DLG2: variants seen among roughly 807,000 people sequenced by gnomAD.
DLG2 encodes the protein discs large MAGUK scaffold protein 2, also known as disks large homolog 2.
DLG2 carries 45 observed loss-of-function variants against 132.5 expected under a neutral mutation model. The ratio of observed to expected loss-of-function variants is 0.34; its 90% CI spans 0.27 to 0.44. The LOEUF is 0.44. DLG2 is among the 20% of genes least tolerant of loss of function. DLG2 has a pLI of 1.00. For missense variants in DLG2, 1,045 were observed against 1,196.9 expected, an observed-to-expected ratio of 0.87 and a Z score of 1.87; for synonymous variants, 424 against 419.6, an observed-to-expected ratio of 1.01 and a Z score of -0.13.
chr11:84,728,072 AC>A (rs1364957745), intron 6 of DLG2, among the ~76,000 whole-genome samples: 2 of 152,172 alleles, frequency 1.3e-5, no homozygotes, highest in African/African-American at 2.4e-5. Flanking sequence ...CTATCTGAAT[AC>A]CCTTTATTTC....
At chr11:84,093,329 G>A (rs1439464540) in intron 10 of DLG2, among the ~76,000 whole-genome samples, 3 of 152,100 alleles carry the variant, frequency 2.0e-5, no homozygotes, top group South Asian at 2.1e-4. Context: ...GTCAGCCTGG[G>A]GGCCTCTGTC....
intron 6 of DLG2, among the ~76,000 whole-genome samples, chr11:84,626,775 T>C (rs140961294): frequency 6.6e-6 from 1 of 152,188 alleles, no homozygotes; most frequent in Non-Finnish European, 1.5e-5. Flanking sequence ...AGCAGTGCTC[T>C]AGAAGCATTT....
chr11:84,692,648 A>C (rs1217309051), intron 6 of DLG2, among the ~76,000 whole-genome samples: 1 of 151,718 alleles, frequency 6.6e-6, no homozygotes. Flanking sequence ...GGGTAATTTA[A>C]ATTCAAATTA....
At chr11:85,518,034 A>C (rs932359331) in intron 3 of DLG2, among the ~76,000 whole-genome samples, 2 of 152,174 alleles carry the variant, frequency 1.3e-5, no homozygotes, top group African/African-American at 4.8e-5. Context: ...AGCCATGTGG[A>C]ACTGTAAGTC....
At chr11:84,097,465 C>G (rs916856752) in intron 10 of DLG2, among the ~76,000 whole-genome samples, 1 of 152,126 alleles carries the variant, frequency 6.6e-6, no homozygotes, top group Non-Finnish European at 1.5e-5. Context: ...ACTGCCACCC[C>G]CCACTCCACA....
intron 18 of DLG2, among the ~76,000 whole-genome samples, chr11:83,731,197 G>C (rs144642355): frequency 1.0e-3 from 156 of 152,214 alleles, no homozygotes; most frequent in African/African-American, 3.6e-3. Flanking sequence ...GTATACATGT[G>C]CCATGGTGTT....
At chr11:83,879,208 G>A (rs2065522758) in intron 15 of DLG2, among the ~76,000 whole-genome samples, 1 of 152,146 alleles carries the variant, frequency 6.6e-6, no homozygotes, top group Non-Finnish European at 1.5e-5. Flanking sequence ...GGCAATGAGA[G>A]GCAGGATAAG....
At chr11:85,003,919 G>C (rs145093273) in intron 6 of DLG2, among the ~76,000 whole-genome samples, 4,631 of 152,146 alleles carry the variant, frequency 0.03, 94 homozygotes, top group Admixed American at 0.055. Context: ...TCCTTACTGT[G>C]TCCATGTGTT....
intron 11 of DLG2, among the ~76,000 whole-genome samples, chr11:84,002,544 C>G (rs1045676628): frequency 2.0e-5 from 3 of 152,148 alleles, no homozygotes; most frequent in Non-Finnish European, 2.9e-5. Context: ...AGGCTCAACA[C>G]CACATGTAAG....
chr11:84,562,514 C>A (rs2099430530), intron 6 of DLG2, among the ~76,000 whole-genome samples: 1 of 151,976 alleles, frequency 6.6e-6, no homozygotes, highest in Non-Finnish European at 1.5e-5. Flanking sequence ...GAAAATTATA[C>A]CCTGTATTTT....
intron 6 of DLG2, among the ~76,000 whole-genome samples, chr11:84,889,449 T>C (rs1356112079): frequency 6.6e-6 from 1 of 152,102 alleles, no homozygotes; most frequent in Non-Finnish European, 1.5e-5. Context: ...GCTTTAGCGG[T>C]GGTATTTGGG....
intron 4 of DLG2, among the ~76,000 whole-genome samples, chr11:85,264,928 T>TGA (rs1321676597): frequency 6.6e-6 from 1 of 152,238 alleles, no homozygotes; most frequent in Non-Finnish European, 1.5e-5. Flanking sequence ...CTTATTAATC[T>TGA]GATCCTGTCT....
intron 19 of DLG2, among the ~76,000 whole-genome samples, chr11:83,559,851 A>G (rs895714722): frequency 6.6e-6 from 1 of 152,188 alleles, no homozygotes; most frequent in Non-Finnish European, 1.5e-5. Flanking sequence ...ACCAAACCCT[A>G]AGAATGGCAG....
chr11:83,636,251 A>G (rs973470882), intron 18 of DLG2, among the ~76,000 whole-genome samples: 2 of 152,156 alleles, frequency 1.3e-5, no homozygotes, highest in African/African-American at 2.4e-5. Context: ...ACAGTTGTTC[A>G]TCTTCCATTA....
At chr11:83,748,340 T>A (rs2093063250) in intron 18 of DLG2, among the ~76,000 whole-genome samples, 1 of 152,214 alleles carries the variant, frequency 6.6e-6, no homozygotes, top group Non-Finnish European at 1.5e-5. Context: ...AGGATGCATA[T>A]AATCAACTGG....
At chr11:83,813,776 G>A (rs558538771) in intron 17 of DLG2, among the ~76,000 whole-genome samples, 1 of 152,056 alleles carries the variant, frequency 6.6e-6, no homozygotes, top group African/African-American at 2.4e-5. Context: ...AACAACAGCA[G>A]CAGCAGCAAC....
intron 7 of DLG2, among the ~76,000 whole-genome samples, chr11:84,484,474 G>A (rs2099145960): frequency 6.6e-6 from 1 of 152,114 alleles, no homozygotes; most frequent in Admixed American, 6.6e-5. Flanking sequence ...CTCAGACACA[G>A]GTAAGCTGAG....
At chr11:83,564,000 T>A (rs1278834331) in intron 19 of DLG2, among the ~76,000 whole-genome samples, 3 of 152,216 alleles carry the variant, frequency 2.0e-5, no homozygotes, top group Non-Finnish European at 2.9e-5. Context: ...TTTTATCAAA[T>A]AGCAGATAAT....
At chr11:83,670,170 T>C (rs775918734) in intron 18 of DLG2, among the ~76,000 whole-genome samples, 1 of 152,188 alleles carries the variant, frequency 6.6e-6, no homozygotes, top group Non-Finnish European at 1.5e-5. Flanking sequence ...CACCTCTGCA[T>C]TTCTCAAGAG....
Sources: gnomAD v4.1 joint callset for allele counts (sites outside exome capture counted in the v4.1 genomes callset) on GRCh38, gnomAD v4.1.1 for gene constraint, MANE v1.5 for transcripts, NCBI Gene and HGNC (gene_info 2026-07-23, HGNC 2026-07-21) for gene names.